The following ADAMTS19 variants were observed in gnomAD, a reference collection of about 807,000 sequenced individuals.
ADAMTS19 encodes ADAM metallopeptidase with thrombospondin type 1 motif 19, also known as A disintegrin and metalloproteinase with thrombospondin motifs 19.
ADAMTS19 carries 93 observed loss-of-function variants against 153.3 expected under a neutral mutation model. The ratio of observed to expected loss-of-function variants is 0.61; its 90% confidence interval spans 0.51 to 0.72. The LOEUF is 0.72. Ranked by LOEUF, ADAMTS19 falls within the 30% of genes least tolerant of loss-of-function variation. ADAMTS19 has a pLI of 0.00. For missense variants in ADAMTS19, 1,482 were observed against 1,552.1 expected, an observed-to-expected ratio of 0.95 and a Z score of 0.76; for synonymous variants, 600 against 556.6, an observed-to-expected ratio of 1.08 and a Z score of -1.10.
chr5:129,604,656 A>G (rs1472295049), intron 8 of ADAMTS19, among the ~76,000 whole-genome samples: 1 of 152,222 alleles, frequency 6.6e-6, no homozygotes, highest in Non-Finnish European at 1.5e-5. Context: ...TAATCTTAGT[A>G]AAGTATCATT....
chr5:129,575,698 T>A (rs1237538715), intron 7 of ADAMTS19, among the ~76,000 whole-genome samples: 1 of 152,032 alleles, frequency 6.6e-6, no homozygotes, highest in Non-Finnish European at 1.5e-5. Flanking sequence ...TTTACAAGAG[T>A]TAGTTGTGTA....
chr5:129,636,489 T>G (rs2127011175), intron 10 of ADAMTS19, among the ~76,000 whole-genome samples: 1 of 152,358 alleles, frequency 6.6e-6, no homozygotes, highest in Admixed American at 6.5e-5. Flanking sequence ...TTTTATTCCC[T>G]TTCTTTAACA....
chr5:129,516,239 T>C (rs961513441), intron 3 of ADAMTS19, among the ~76,000 whole-genome samples: 1 of 151,308 alleles, frequency 6.6e-6, no homozygotes, highest in Admixed American at 6.6e-5. Flanking sequence ...TATTAGCCTG[T>C]AGTTTTTTTT....
intron 4 of ADAMTS19, 71 bp downstream of exon 4, chr5:129,526,527 T>C (rs1167227519): frequency 4.9e-6 from 7 of 1,414,652 alleles, no homozygotes; most frequent in Admixed American, 2.6e-5. Flanking sequence ...TGAGTATTTA[T>C]AATGAAATTC....
At chr5:129,598,162 A>G (rs2126923426) in intron 8 of ADAMTS19, among the ~76,000 whole-genome samples, 1 of 152,262 alleles carries the variant, frequency 6.6e-6, no homozygotes, top group Non-Finnish European at 1.5e-5. Context: ...TGTAAATTTG[A>G]CATAAAAGTA....
chr5:129,685,005 A>AG (rs1755015870), intron 18 of ADAMTS19, among the ~76,000 whole-genome samples: 1 of 149,858 alleles, frequency 6.7e-6, no homozygotes, highest in African/African-American at 2.4e-5. Context: ...AAAGAAAAGA[A>AG]AAAAAAAAAG....
At chr5:129,598,723 A>T (rs896683886) in intron 8 of ADAMTS19, among the ~76,000 whole-genome samples, 1 of 152,130 alleles carries the variant, frequency 6.6e-6, no homozygotes, top group Non-Finnish European at 1.5e-5. Flanking sequence ...TCTCCTAGTA[A>T]TTTTCAAGTA....
At chr5:129,530,566 C>A (rs1752165564) in intron 6 of ADAMTS19, among the ~76,000 whole-genome samples, 1 of 152,064 alleles carries the variant, frequency 6.6e-6, no homozygotes, top group South Asian at 2.1e-4. Context: ...GACAGTGAAA[C>A]AACATTTCTA....
At chr5:129,682,492 T>G (rs1054053659) in intron 17 of ADAMTS19, among the ~76,000 whole-genome samples, 1 of 152,200 alleles carries the variant, frequency 6.6e-6, no homozygotes, top group African/African-American at 2.4e-5. Flanking sequence ...GTTCTATCAA[T>G]GAAAAGGTAG....
intron 8 of ADAMTS19, among the ~76,000 whole-genome samples, chr5:129,617,334 C>T (rs1437181513): frequency 1.3e-5 from 2 of 151,966 alleles, no homozygotes; most frequent in African/African-American, 2.4e-5. Context: ...GAATCAGGAC[C>T]AGGATCACAA....
At chr5:129,712,477 CA>C (rs1270818124) in intron 21 of ADAMTS19, among the ~76,000 whole-genome samples, 1 of 152,128 alleles carries the variant, frequency 6.6e-6, no homozygotes, top group African/African-American at 2.4e-5. Context: ...TGAGTACTTA[CA>C]AAACTTGCTA....
At chr5:129,504,118 C>CGAAAAA (rs1751193449) in intron 2 of ADAMTS19, among the ~76,000 whole-genome samples, 1 of 152,056 alleles carries the variant, frequency 6.6e-6, no homozygotes, top group Non-Finnish European at 1.5e-5. Flanking sequence ...ATTTTATTTT[C>CGAAAAA]TGGCTATATT....
intron 21 of ADAMTS19, among the ~76,000 whole-genome samples, chr5:129,724,634 T>C (rs1163458598): frequency 6.6e-6 from 1 of 152,056 alleles, no homozygotes; most frequent in African/African-American, 2.4e-5. Flanking sequence ...AGAGGTTTAA[T>C]AGGCAAAAGA....
rs1229440945 is a variant in ADAMTS19, at chr5:129,526,442, A to G, written c.1072A>G (p.Thr358Ala). The change falls in exon 4 of 23, where the codon ACC becomes GCC. Residue 358 changes from threonine (T) to alanine (A), a missense_variant. Thr to Ala is a moderately conservative substitution (Grantham distance 58). Around this residue, in one of 2 missense-constraint regions of ADAMTS19, gnomAD observed 866 missense variants for 827.7 expected, o/e 1.05. Coordinates refer to ENST00000274487, the MANE Select transcript of ADAMTS19 (RefSeq NM_133638.6). ...AGATGCAGCCAGGAGATTCATTCTA[A>G]CCATCTTAAATATGGTAGGCAAACT... ...GADAARRFIL[T>A]ILNMVFNLFQ... is the part of the protein sequence containing the mutation. 3 of 1,595,744 alleles carry G rather than the reference A, an allele frequency of 1.9e-6. No individual in the cohort carries two copies. In the South Asian group the frequency reaches 3.4e-5, roughly 18 times the overall value.
At chr5:129,492,610 T>C (rs1218912228) in intron 2 of ADAMTS19, among the ~76,000 whole-genome samples, 4 of 151,754 alleles carry the variant, frequency 2.6e-5, no homozygotes, top group Non-Finnish European at 5.9e-5. Flanking sequence ...ATAATAAATT[T>C]GAAAAAAAAG....
intron 14 of ADAMTS19, among the ~76,000 whole-genome samples, chr5:129,655,042 G>C (rs1753484911): frequency 2.0e-5 from 3 of 152,188 alleles, no homozygotes; most frequent in Admixed American, 2.0e-4. Flanking sequence ...GTGTAGAAGT[G>C]AGCAGTTGCT....
chr5:129,608,116 G>A (rs140710965), intron 8 of ADAMTS19, among the ~76,000 whole-genome samples: 1,150 of 47,752 alleles, frequency 0.024, 38 homozygotes, highest in African/African-American at 0.047. Context: ...GTGTGTGTGT[G>A]TATATATATA....
Position 129,737,327 on chromosome 5 carries a change from C to A in ADAMTS19, c.*109C>A. 2.6e-6 allele frequency: 3 copies of A among 1,155,406 alleles called. No homozygotes were observed. Among genetic ancestry groups the A allele is most frequent in the Non-Finnish European group, 3.4e-6 (3 of 888,148 alleles). 71.6% of individuals were successfully genotyped at this position (1,155,406 alleles called of 1,614,324 possible). A position where few individuals can be genotyped will look rare whatever the true frequency, so the allele number is the denominator to read the frequency against. ...ATTATCAGATTACATATAATTTAAT[C>A]AAATTAATTTATTTTTTTGCCTGCC... On this transcript the variant is annotated 3_prime_UTR_variant, in exon 23 of 23. Transcript: ENST00000274487.
chr5:129,716,957 C>T (rs1756757077), intron 21 of ADAMTS19, among the ~76,000 whole-genome samples: 1 of 152,200 alleles, frequency 6.6e-6, no homozygotes, highest in South Asian at 2.1e-4. Flanking sequence ...TTCCACTAAG[C>T]TCACGCCTGA....
Sources: gnomAD v4.1 joint callset for allele counts (sites outside exome capture counted in the v4.1 genomes callset) on GRCh38, gnomAD v4.1.1 for gene constraint, gnomAD v4.1.1 regional missense constraint, MANE v1.5 for transcripts, NCBI Gene and HGNC (gene_info 2026-07-23, HGNC 2026-07-21) for gene names.